RCOR1: variants seen among roughly 807,000 people sequenced by gnomAD.
The protein encoded by RCOR1 is REST corepressor 1.
Under a neutral mutation model 64.0 loss-of-function variants are expected in RCOR1, and 12 were observed. That is an observed-to-expected ratio of 0.19 (90% CI 0.12 to 0.30). The LOEUF (loss-of-function observed/expected upper bound fraction) is 0.30. RCOR1 is among the 10% of genes least tolerant of loss of function. The pLI is 1.00. For synonymous variants in RCOR1, 279 were observed against 227.2 expected, an observed-to-expected ratio of 1.23 and a Z score of -2.05; for missense variants, 502 against 621.2, an observed-to-expected ratio of 0.81 and a Z score of 2.04.
chr14:102,595,371 A>G (rs960995210), intron 2 of RCOR1, among the ~76,000 whole-genome samples: 3 of 152,004 alleles, frequency 2.0e-5, no homozygotes, highest in African/African-American at 4.8e-5. Flanking sequence ...GCATGGTGGC[A>G]TGTGCCTGTA....
chr14:102,688,112 G>A (rs1299892933), intron 3 of RCOR1, among the ~76,000 whole-genome samples: 2 of 152,054 alleles, frequency 1.3e-5, no homozygotes, highest in Admixed American at 6.6e-5. Context: ...GATTACATGC[G>A]TGTGCCACCA....
chr14:102,612,438 A>G (rs1352321262), intron 2 of RCOR1, among the ~76,000 whole-genome samples: 1 of 151,726 alleles, frequency 6.6e-6, no homozygotes, highest in Non-Finnish European at 1.5e-5. Flanking sequence ...CTCTTAAGCG[A>G]TCTGCCCGCC....
intron 2 of RCOR1, among the ~76,000 whole-genome samples, chr14:102,627,815 C>A (rs988598523): frequency 3.9e-5 from 6 of 152,032 alleles, no homozygotes; most frequent in African/African-American, 1.4e-4. Context: ...ATCAATTGCT[C>A]CATGTTGCTA....
At chr14:102,717,028 A>G (rs1381828272) in intron 8 of RCOR1, among the ~76,000 whole-genome samples, 2 of 152,246 alleles carry the variant, frequency 1.3e-5, no homozygotes, top group African/African-American at 4.8e-5. Context: ...AACTTAACGC[A>G]TCTTTTGTTA....
chr14:102,677,134 C>T (rs868335137), intron 2 of RCOR1, among the ~76,000 whole-genome samples: 192 of 132,342 alleles, frequency 1.5e-3, no homozygotes, highest in African/African-American at 5.4e-3. Flanking sequence ...ACCTCCCGGA[C>T]GGGGCGGCTG....
At chr14:102,616,718 T>C (rs1175961903) in intron 2 of RCOR1, among the ~76,000 whole-genome samples, 1 of 152,172 alleles carries the variant, frequency 6.6e-6, no homozygotes, top group Admixed American at 6.6e-5. Flanking sequence ...TGCTTCTCTT[T>C]ACTCCTGCAA....
At chr14:102,641,611 A>T (rs58494755) in intron 2 of RCOR1, among the ~76,000 whole-genome samples, 19,502 of 151,990 alleles carry the variant, frequency 0.13, 1,522 homozygotes, top group African/African-American at 0.21. Flanking sequence ...ATTAAAAAAA[A>T]AATAATAATA....
At chr14:102,597,451 C>T (rs1893279940) in intron 2 of RCOR1, among the ~76,000 whole-genome samples, 2 of 151,454 alleles carry the variant, frequency 1.3e-5, no homozygotes, top group African/African-American at 4.9e-5. Context: ...GCTGCAGCCT[C>T]CTGAGTAGCT....
intron 2 of RCOR1, among the ~76,000 whole-genome samples, chr14:102,598,113 C>T (rs116083794): frequency 0.023 from 3,568 of 152,200 alleles, 136 homozygotes; most frequent in African/African-American, 0.077. Flanking sequence ...TGAGCCACTG[C>T]GCAGCCCTAA....
chr14:102,684,082 G>A (rs148821662), intron 3 of RCOR1, among the ~76,000 whole-genome samples: 11 of 152,314 alleles, frequency 7.2e-5, no homozygotes, highest in African/African-American at 1.9e-4. Context: ...CCGGCTGAGC[G>A]CTAGGAACAG....
Position 102,727,021 on chromosome 14 carries a change from T to C in RCOR1, c.*515T>C, listed in dbSNP as rs138253634. 7.1e-3 allele frequency: 1,097 copies of C among 153,746 alleles called. 4 individuals carry two copies. Among genetic ancestry groups the C allele is most frequent in the Non-Finnish European group, 0.01 (725 of 69,140 alleles). 9.5% of individuals were successfully genotyped at this position (153,746 alleles called of 1,614,324 possible). Reference sequence around the variant, plus strand: ...ATACGCTTTTTTGGAAACTAATATATATTGCCAGACTGCATCATAACCTTT... The same window carrying C: ...ATACGCTTTTTTGGAAACTAATATACATTGCCAGACTGCATCATAACCTTT... On this transcript the variant is annotated 3_prime_UTR_variant, in exon 12 of 12. Transcript: ENST00000262241.
intron 2 of RCOR1, among the ~76,000 whole-genome samples, chr14:102,623,390 ATTT>A (rs1893916021): frequency 1.7e-5 from 2 of 116,688 alleles, no homozygotes; most frequent in African/African-American, 9.5e-5. Flanking sequence ...TTTATTTATT[ATTT>A]ATTTATTTAT....
intron 2 of RCOR1, chr14:102,630,094 G>T: frequency 9.7e-6 from 6 of 615,788 alleles, no homozygotes; most frequent in Non-Finnish European, 1.2e-5. Flanking sequence ...TTGATCTCCA[G>T]TGTTGGAGGT....
chr14:102,642,368 G>A (rs1381671303), intron 2 of RCOR1, among the ~76,000 whole-genome samples: 3 of 152,168 alleles, frequency 2.0e-5, no homozygotes, highest in African/African-American at 7.2e-5. Context: ...AGATTATTTG[G>A]CAGGAGGAAA....
At chr14:102,612,264 C>T (rs918597293) in intron 2 of RCOR1, among the ~76,000 whole-genome samples, 3 of 151,992 alleles carry the variant, frequency 2.0e-5, no homozygotes, top group Non-Finnish European at 4.4e-5. Context: ...TCAAGCGGTC[C>T]CCTCTTCCCA....
intron 2 of RCOR1, among the ~76,000 whole-genome samples, chr14:102,681,622 C>T (rs1895305129): frequency 6.6e-6 from 1 of 152,172 alleles, no homozygotes. Context: ...CTTTGAGCAC[C>T]TTGGCACCTG....
chr14:102,711,102 A>G (rs1213661479), intron 7 of RCOR1, 89 bp downstream of exon 7: 5 of 829,728 alleles, frequency 6.0e-6, no homozygotes, highest in Non-Finnish European at 9.8e-6. Flanking sequence ...TCTACTTAAT[A>G]TATTAAGTGC....
intron 2 of RCOR1, among the ~76,000 whole-genome samples, chr14:102,623,513 A>G (rs1040072771): frequency 6.6e-6 from 1 of 151,546 alleles, no homozygotes; most frequent in East Asian, 2.0e-4. Flanking sequence ...GGTTCACGCC[A>G]TTCTCCTGCC....
At chr14:102,663,981 T>G (rs1894871585) in intron 2 of RCOR1, among the ~76,000 whole-genome samples, 1 of 152,176 alleles carries the variant, frequency 6.6e-6, no homozygotes, top group Non-Finnish European at 1.5e-5. Context: ...AATTCCAGTT[T>G]CTAGTGCAGA....
Sources: gnomAD v4.1 joint callset for allele counts (sites outside exome capture counted in the v4.1 genomes callset) on GRCh38, gnomAD v4.1.1 for gene constraint, MANE v1.5 for transcripts, NCBI Gene and HGNC (gene_info 2026-07-23, HGNC 2026-07-21) for gene names.